The following MTMR12 variants were observed in gnomAD, a reference collection of about 807,000 sequenced individuals.
The protein encoded by MTMR12 is myotubularin related protein 12.
A neutral mutation model predicts 96.7 loss-of-function variants in MTMR12; 33 were observed. The ratio of observed to expected loss-of-function variants is 0.34; its 90% CI spans 0.26 to 0.46. The LOEUF is 0.46. Ranked by LOEUF, MTMR12 falls within the 20% of genes least tolerant of loss-of-function variation. The pLI is 1.00. For missense variants in MTMR12, 721 were observed against 896.1 expected, an observed-to-expected ratio of 0.80 and a Z score of 2.49; for synonymous variants, 298 against 327.2, an observed-to-expected ratio of 0.91 and a Z score of 0.96.
In MTMR12 at chr5:32,263,301, T is replaced by C. The variant is rs16889545; in HGVS notation, c.584-59A>G. The stretch of plus-strand genomic sequence containing the variant: ...TTTCCATGAAGCACTGGTGCTTTTA[T>C]TATGTGAAAGTCCCTCCTTAGGTTT... On this transcript the variant is annotated intron_variant, in intron 6 of 15. Transcript: ENST00000382142. 9,786 of 1,599,720 alleles carry C rather than the reference T, an allele frequency of 6.1e-3. 477 individuals are homozygous for C. In the African/African-American group the frequency reaches 0.11, roughly 18 times the overall value.
In MTMR12 at chr5:32,312,849, T is replaced by G. The variant is rs758565563; in HGVS notation, c.-11A>C. 6.6e-7 allele frequency: 1 copy of G among 1,520,392 alleles called. No homozygotes were observed. Among genetic ancestry groups the G allele is most frequent in the Non-Finnish European group, 8.8e-7 (1 of 1,138,440 alleles). 94.2% of individuals were successfully genotyped at this position (1,520,392 alleles called of 1,614,324 possible). On this transcript the variant is annotated 5_prime_UTR_variant, in exon 1 of 16. Transcript: ENST00000382142. This position sits in a 1 kb window ranked among gnomAD's most constrained non-coding sequence, Gnocchi z 5.0. Reference sequence around the variant, plus strand: ...TCCTTTCCCCAGCATACCGCCGCCCTGGGAAGCAGCGACGCGCGGACGCAG... The same window carrying G: ...TCCTTTCCCCAGCATACCGCCGCCCGGGGAAGCAGCGACGCGCGGACGCAG...
chr5:32,249,449 A>G (rs2112023889), intron 8 of MTMR12, among the ~76,000 whole-genome samples: 1 of 152,332 alleles, frequency 6.6e-6, no homozygotes, highest in Middle Eastern at 3.4e-3. Flanking sequence ...TGGCTATTTG[A>G]CATAACTGAA....
chr5:32,285,877 C>T (rs913038171), intron 1 of MTMR12, among the ~76,000 whole-genome samples: 2 of 151,968 alleles, frequency 1.3e-5, no homozygotes, highest in Non-Finnish European at 2.9e-5. Flanking sequence ...CTTCTCAGAA[C>T]TATGTTTCTG....
chr5:32,311,152 C>T (rs902706298), intron 1 of MTMR12, among the ~76,000 whole-genome samples: 6 of 152,166 alleles, frequency 3.9e-5, no homozygotes, highest in African/African-American at 1.4e-4. Context: ...CCACCATGCC[C>T]AGCCCAAATA....
At chr5:32,293,118 T>A (rs1750798487) in intron 1 of MTMR12, among the ~76,000 whole-genome samples, 1 of 152,176 alleles carries the variant, frequency 6.6e-6, no homozygotes, top group Non-Finnish European at 1.5e-5. Flanking sequence ...ATTTGAAGAT[T>A]ATGTGTGATC....
intron 1 of MTMR12, among the ~76,000 whole-genome samples, chr5:32,290,201 C>A (rs4623159): frequency 0.014 from 2,192 of 152,322 alleles, 63 homozygotes; most frequent in African/African-American, 0.049. Context: ...AACAATATAC[C>A]TTCACTGTCC....
At chr5:32,296,815 A>C (rs1750944858) in intron 1 of MTMR12, among the ~76,000 whole-genome samples, 1 of 151,432 alleles carries the variant, frequency 6.6e-6, no homozygotes, top group Admixed American at 6.6e-5. Context: ...AAAAAAAAAA[A>C]AAAGTGGCCG....
rs780959136 is a variant in MTMR12 at position 32,273,950 on chromosome 5, C to T, written c.285+30G>A. On this transcript the variant is annotated intron_variant, in intron 3 of 15. Transcript: ENST00000382142. ...GGAACCACAACCACACTGTTGCCCA[C>T]AAACTCTGCCAAATGCAGCCCATAC... 3.1e-6 allele frequency: 5 copies of T among 1,612,604 alleles called. 1 individual carries two copies. The highest frequency in any genetic ancestry group is 3.3e-4 in the Middle Eastern group (2 of 6,048).
At position 32,274,133 on chromosome 5, in the gene MTMR12, C is replaced by T. The variant is rs751561660; in HGVS notation, c.143-11G>A. 5 of 1,613,668 alleles carry T rather than the reference C, an allele frequency of 3.1e-6. No homozygotes were observed. Among genetic ancestry groups the T allele is most frequent in the Non-Finnish European group, 4.2e-6 (5 of 1,179,816 alleles). On this transcript the variant is annotated splice_polypyrimidine_tract_variant and intron_variant, in intron 2 of 15. Coordinates refer to ENST00000382142, the MANE Select transcript of MTMR12 (RefSeq NM_001040446.3). ...AAAGCAGCTGTTCACCTGGTAGAAA[C>T]CAAAACAGGTCCTCCTTAGAGTTCT... is the stretch of plus-strand genomic sequence containing the variant.
rs2111979226 is a variant in MTMR12, at chr5:32,233,480, A to C, written c.1674+293T>G. On this transcript the variant is annotated intron_variant, in intron 15 of 15. Coordinates refer to ENST00000382142, the MANE Select transcript of MTMR12 (RefSeq NM_001040446.3). The surrounding 1 kb of genome is among the most constrained non-coding windows in gnomAD (Gnocchi z 5.0). ...AACACACACACACACACAAACACAC[A>C]CACACACACACACACACAGGCAGGA... Among the ~76,000 whole-genome samples the C allele has an allele frequency of 6.6e-6, 1 of 151,876 alleles. No homozygotes were observed. Among genetic ancestry groups the C allele is most frequent in the South Asian group, 2.1e-4 (1 of 4,810 alleles).
At chr5:32,257,736 C>A (rs1321495050) in intron 7 of MTMR12, among the ~76,000 whole-genome samples, 3 of 152,002 alleles carry the variant, frequency 2.0e-5, no homozygotes, top group Non-Finnish European at 4.4e-5. Flanking sequence ...CCACTCTACT[C>A]TAGCCTGGGC....
At chr5:32,289,491 T>C (rs1750665231) in intron 1 of MTMR12, among the ~76,000 whole-genome samples, 1 of 152,134 alleles carries the variant, frequency 6.6e-6, no homozygotes, top group African/African-American at 2.4e-5. Flanking sequence ...TCTGACATTC[T>C]ACCAGGGTAA....
intron 5 of MTMR12, among the ~76,000 whole-genome samples, chr5:32,269,228 T>C (rs567904477): frequency 6.6e-6 from 1 of 152,054 alleles, no homozygotes; most frequent in African/African-American, 2.4e-5. Flanking sequence ...GGTTTCGCTA[T>C]GTTGGCCAGG....
rs761638533 is a variant in MTMR12, at chr5:32,312,750, C to T, written c.81+8G>A. 8 of 1,509,928 alleles carry T rather than the reference C, an allele frequency of 5.3e-6. No homozygotes were observed. The highest frequency in any genetic ancestry group is 2.1e-5 in the Admixed American group (1 of 47,596). 93.5% of individuals were successfully genotyped at this position (1,509,928 alleles called of 1,614,324 possible). ...GCCCGACGCCCCGCCTGCGCGGCGC[C>T]CCCTCACCTCAGGGCGTACGTACGA... On this transcript the variant is annotated splice_region_variant and intron_variant, in intron 1 of 15. Transcript: ENST00000382142. This position sits in a 1 kb window ranked among gnomAD's most constrained non-coding sequence, Gnocchi z 5.0.
Position 32,229,922 on chromosome 5 carries a change from G to A in MTMR12, c.2100C>T (p.Ala700=), listed in dbSNP as rs1461713020. The change falls in exon 16 of 16, where the codon GCC becomes GCT. Residue 700 remains alanine (A), a synonymous_variant. Coordinates refer to ENST00000382142, the MANE Select transcript of MTMR12 (RefSeq NM_001040446.3). ...AEAPCLLRNS[A]RLSSLFPFAL... ...CGAAAGGAAACAAAGACGAGAGGCGGGCAGAGTTCCTCAGCAGGCAGGGGG... is the reference window on the plus strand; with the variant it reads ...CGAAAGGAAACAAAGACGAGAGGCGAGCAGAGTTCCTCAGCAGGCAGGGGG... 6.2e-7 allele frequency: 1 copy of A among 1,613,042 alleles called. No individual in the cohort carries two copies. Among genetic ancestry groups the A allele is most frequent in the South Asian group, 1.1e-5 (1 of 90,898 alleles).
rs1561727226 is a variant in MTMR12, at chr5:32,228,591, G to GATATATATATATCATATATATGTGAT, written c.*1186_*1187insATCACATATATATGATATATATATAT. On this transcript the variant is annotated 3_prime_UTR_variant, in exon 16 of 16. Coordinates refer to ENST00000382142, the MANE Select transcript of MTMR12 (RefSeq NM_001040446.3). ...TATCATATATATATCATATATATGT[G>GATATATATATATCATATATATGTGAT]ATATATATATATATATCATATATAT... is the stretch of plus-strand genomic sequence containing the variant. 2.0e-3 allele frequency: 203 copies of GATATATATATATCATATATATGTGAT among 103,622 alleles called. 2 individuals are homozygous for GATATATATATATCATATATATGTGAT. Among genetic ancestry groups the GATATATATATATCATATATATGTGAT allele is most frequent in the African/African-American group, 7.7e-3 (195 of 25,430 alleles). The allele number at this position is 103,622 out of a possible 1,614,324, so 6.4% of individuals were successfully genotyped here.
At chr5:32,247,755 G>A in intron 10 of MTMR12, 1 of 985,410 alleles carries the variant, frequency 1.0e-6, no homozygotes, top group Non-Finnish European at 1.2e-6. Context: ...GTATGCTGAG[G>A]AAGGGGAGAA....
At chr5:32,266,850 C>G in intron 6 of MTMR12, among the ~76,000 whole-genome samples, 1 of 151,830 alleles carries the variant, frequency 6.6e-6, no homozygotes, top group East Asian at 1.9e-4. Context: ...GAGGCCAAGG[C>G]AGGAGGATCA....
In MTMR12 at chr5:32,230,090, T is replaced by C. The variant is rs145817059; in HGVS notation, c.1932A>G (p.Leu644=). The part of the protein sequence containing the change: ...PEIKVWAQRY[L]RWIPEAQILG... The stretch of plus-strand genomic sequence containing the variant: ...GGATTTGGGCTTCTGGAATCCAACG[T>C]AGGTAGCGCTGGGCCCAGACTTTGA... Residue 644 remains leucine, a synonymous_variant, in exon 16 of 16, where the codon CTA becomes CTG. Coordinates refer to ENST00000382142, the MANE Select transcript of MTMR12 (RefSeq NM_001040446.3). The C allele has an allele frequency of 2.0e-4, 319 of 1,612,612 alleles. No homozygotes were observed. Among genetic ancestry groups the C allele is most frequent in the Non-Finnish European group, 1.6e-4 (188 of 1,179,024 alleles).
Sources: gnomAD v4.1 joint callset for allele counts (sites outside exome capture counted in the v4.1 genomes callset) on GRCh38, gnomAD v4.1.1 for gene constraint, Gnocchi (gnomAD v3.1) non-coding constraint, MANE v1.5 for transcripts, NCBI Gene and HGNC (gene_info 2026-07-23, HGNC 2026-07-21) for gene names.